The following CRACR2A variants were observed in gnomAD, a reference collection of about 807,000 sequenced individuals.
CRACR2A encodes the protein EF-hand calcium-binding domain-containing protein 4B.
CRACR2A carries 79 observed loss-of-function variants against 90.5 expected under a neutral mutation model. The observed-to-expected ratio is 0.87, with a 90% CI of 0.73 to 1.05. CRACR2A has a LOEUF of 1.05. Among genes scored for constraint, CRACR2A ranks in the 50% least tolerant of loss-of-function variants. The probability of loss-of-function intolerance (pLI) is 0.00; values close to 1 mark genes in which losing one functional copy is unlikely to be tolerated. For synonymous variants in CRACR2A, 338 were observed against 356.7 expected (o/e 0.95, Z 0.59); for missense variants, 823 against 897.2 (o/e 0.92, Z 1.06).
intron 18 of CRACR2A, among the ~76,000 whole-genome samples, chr12:3,617,487 C>T (rs1023891373): frequency 2.0e-5 from 3 of 152,188 alleles, no homozygotes; most frequent in Admixed American, 2.0e-4. Flanking sequence ...GAGCTCCTTG[C>T]AGCATGCTTT....
At chr12:3,671,560 G>T (rs1190697759) in intron 7 of CRACR2A, among the ~76,000 whole-genome samples, 1 of 152,098 alleles carries the variant, frequency 6.6e-6, no homozygotes, top group Non-Finnish European at 1.5e-5. Flanking sequence ...GGGGCTGGGG[G>T]CAAGACTCTG....
At chr12:3,663,809 T>C (rs1323191128) in intron 7 of CRACR2A, among the ~76,000 whole-genome samples, 1 of 152,238 alleles carries the variant, frequency 6.6e-6, no homozygotes, top group Non-Finnish European at 1.5e-5. Flanking sequence ...AGTTGACGTA[T>C]GTGGAACCCA....
At chr12:3,690,175 T>G (rs1049991987) in intron 4 of CRACR2A, among the ~76,000 whole-genome samples, 3 of 152,142 alleles carry the variant, frequency 2.0e-5, no homozygotes, top group Non-Finnish European at 4.4e-5. Context: ...CAGCTCTGAT[T>G]ATGGTTATTT....
At chr12:3,663,068 T>C (rs929862532) in intron 7 of CRACR2A, among the ~76,000 whole-genome samples, 1 of 152,158 alleles carries the variant, frequency 6.6e-6, no homozygotes. Flanking sequence ...ATTTAACAAT[T>C]AATCTTAAAT....
intron 3 of CRACR2A, among the ~76,000 whole-genome samples, chr12:3,703,130 T>C (rs1945859202): frequency 6.6e-6 from 1 of 152,222 alleles, no homozygotes; most frequent in Admixed American, 6.5e-5. Flanking sequence ...AGAGTCTTGC[T>C]CAGGCTGGAG....
chr12:3,750,283 G>A (rs17836356), intron 1 of CRACR2A, among the ~76,000 whole-genome samples: 24,377 of 151,996 alleles, frequency 0.16, 2,128 homozygotes, highest in East Asian at 0.28. Context: ...GCAAGACAGC[G>A]GCCTCCATGT....
intron 2 of CRACR2A, among the ~76,000 whole-genome samples, chr12:3,720,225 A>AAAAG (rs757788405): frequency 0.037 from 4,597 of 125,482 alleles, 124 homozygotes; most frequent in African/African-American, 0.056. Flanking sequence ...AGAAGAAAGA[A>AAAAG]AAAGAAAGAA....
At chr12:3,729,910 T>C (rs1281808021) in intron 2 of CRACR2A, 3 of 152,310 alleles carry the variant, frequency 2.0e-5, no homozygotes, top group African/African-American at 4.8e-5. Context: ...AGAGAATCCA[T>C]GTAATGGAGC....
chr12:3,721,100 C>A (rs1012281356), intron 2 of CRACR2A, among the ~76,000 whole-genome samples: 4 of 152,190 alleles, frequency 2.6e-5, no homozygotes, highest in Non-Finnish European at 5.9e-5. Flanking sequence ...ATAAGCAGCA[C>A]GCACCAGCAC....
chr12:3,693,601 G>C (rs1945689695), intron 4 of CRACR2A, among the ~76,000 whole-genome samples: 1 of 152,162 alleles, frequency 6.6e-6, no homozygotes, highest in Non-Finnish European at 1.5e-5. Flanking sequence ...TTCTGGGTTA[G>C]AATTTCTTCT....
At chr12:3,702,380 G>A (rs1945846966) in intron 3 of CRACR2A, among the ~76,000 whole-genome samples, 1 of 152,142 alleles carries the variant, frequency 6.6e-6, no homozygotes, top group African/African-American at 2.4e-5. Context: ...TTCCCAGACA[G>A]CAGGAGTGCT....
chr12:3,749,280 C>T lies in CRACR2A; in HGVS notation c.-387+3735G>A, dbSNP rs116358759. Reference sequence around the variant, plus strand: ...GGCTATGCTTGTGGTCCCAGCATTGCTATGAATATTCCCCCTTTCACTCCC... The same window carrying T: ...GGCTATGCTTGTGGTCCCAGCATTGTTATGAATATTCCCCCTTTCACTCCC... On this transcript the variant is annotated intron_variant, in intron 1 of 19. Transcript: ENST00000440314. Among the ~76,000 whole-genome samples the T allele has an allele frequency of 1.7e-3, 263 of 152,316 alleles. 2 individuals are homozygous for T. The highest frequency in any genetic ancestry group is 6.0e-3 in the African/African-American group (251 of 41,550).
At chr12:3,726,903 A>G (rs1946276337) in intron 2 of CRACR2A, 1 of 151,974 alleles carries the variant, frequency 6.6e-6, no homozygotes, top group South Asian at 2.1e-4. Context: ...CACACTTGCA[A>G]TCCCAGCACT....
intron 17 of CRACR2A, among the ~76,000 whole-genome samples, chr12:3,625,937 G>A (rs10491970): frequency 0.092 from 14,043 of 152,172 alleles, 698 homozygotes; most frequent in Middle Eastern, 0.16. Flanking sequence ...AGAAGAGAAA[G>A]ATCGTGTCGT....
At chr12:3,707,967 G>C (rs925616524) in intron 3 of CRACR2A, among the ~76,000 whole-genome samples, 2 of 152,234 alleles carry the variant, frequency 1.3e-5, no homozygotes. Flanking sequence ...TTTAGAAGCA[G>C]ATCAGTGTGA....
intron 2 of CRACR2A, chr12:3,730,491 T>C (rs1303322249): frequency 6.6e-6 from 1 of 152,228 alleles, no homozygotes; most frequent in African/African-American, 2.4e-5. Flanking sequence ...AGGGTCAACA[T>C]GAAATGGCAG....
chr12:3,673,309 G>A, intron 7 of CRACR2A, 137 bp downstream of exon 7: 1 of 1,021,080 alleles, frequency 9.8e-7, no homozygotes, highest in Non-Finnish European at 1.4e-6. Context: ...GACAGACACA[G>A]GGCCTGGTCC....
intron 12 of CRACR2A, 34 bp from the exon 13 acceptor site, chr12:3,641,872 C>CTAT (rs1283965827): frequency 6.5e-7 from 1 of 1,537,860 alleles, no homozygotes; most frequent in Non-Finnish European, 8.8e-7. Context: ...AGATCCATGC[C>CTAT]TATTTGCTCC....
intron 5 of CRACR2A, 146 bp from the exon 6 acceptor site, chr12:3,679,244 G>A (rs1188371094): frequency 1.3e-6 from 1 of 746,178 alleles, no homozygotes; most frequent in Non-Finnish European, 2.1e-6. Flanking sequence ...CCATGGACAT[G>A]GGTCCGTGGA....
Sources: gnomAD v4.1 joint callset for allele counts (sites outside exome capture counted in the v4.1 genomes callset) on GRCh38, gnomAD v4.1.1 for gene constraint, MANE v1.5 for transcripts, NCBI Gene and HGNC (gene_info 2026-07-23, HGNC 2026-07-21) for gene names.